The following PCCA variants were observed in gnomAD, a reference collection of about 807,000 sequenced individuals.
PCCA encodes propionyl-CoA carboxylase subunit alpha, also known as propionyl-CoA carboxylase alpha chain, mitochondrial.
In PCCA, 74 loss-of-function variants were observed where a neutral mutation model predicts 101.3. The ratio of observed to expected loss-of-function variants is 0.73; its 90% CI spans 0.61 to 0.89. The LOEUF (loss-of-function observed/expected upper bound fraction) is 0.89. Among genes scored for constraint, PCCA ranks in the 40% least tolerant of loss-of-function variants. The pLI is 0.00. For synonymous variants in PCCA, 294 were observed against 313.6 expected, an observed-to-expected ratio of 0.94 and a Z score of 0.66; for missense variants, 891 against 907.0, an observed-to-expected ratio of 0.98 and a Z score of 0.23.
chr13:100,264,286 T>TAC (rs2062786298), intron 10 of PCCA, among the ~76,000 whole-genome samples: 1 of 151,784 alleles, frequency 6.6e-6, no homozygotes, highest in Non-Finnish European at 1.5e-5. Flanking sequence ...TATATATATA[T>TAC]ACAGTGAAAT....
chr13:100,210,776 G>T (rs767022601), intron 7 of PCCA, among the ~76,000 whole-genome samples: 1 of 152,138 alleles, frequency 6.6e-6, no homozygotes, highest in Admixed American at 6.5e-5. Flanking sequence ...GGCATTCTGT[G>T]TTGGGTTGTT....
chr13:100,240,786 C>A (rs1410605814), intron 8 of PCCA, among the ~76,000 whole-genome samples: 1 of 152,162 alleles, frequency 6.6e-6, no homozygotes, highest in Non-Finnish European at 1.5e-5. Context: ...GTAAATTGCA[C>A]AACCAGTATA....
chr13:100,516,665 G>T (rs1246047558), intron 22 of PCCA, among the ~76,000 whole-genome samples: 1 of 152,042 alleles, frequency 6.6e-6, no homozygotes, highest in African/African-American at 2.4e-5. Flanking sequence ...GATACTCCTG[G>T]AAGAAAGCCC....
chr13:100,484,914 T>G (rs2084250594), intron 21 of PCCA, among the ~76,000 whole-genome samples: 2 of 143,616 alleles, frequency 1.4e-5, no homozygotes, highest in South Asian at 2.1e-4. Flanking sequence ...TTTTTATTGC[T>G]CCCTGTTTGA....
At chr13:100,151,103 T>C in intron 4 of PCCA, 1 of 1,334,426 alleles carries the variant, frequency 7.5e-7, no homozygotes, top group Non-Finnish European at 1.1e-6. Context: ...CATCTTGGCT[T>C]ACCTGATGGC....
chr13:100,156,514 T>C (rs2053906656), intron 5 of PCCA, among the ~76,000 whole-genome samples: 1 of 152,216 alleles, frequency 6.6e-6, no homozygotes. Flanking sequence ...GAAATTTATG[T>C]TTGGCCAGTC....
At chr13:100,102,182 C>T (rs1345342785) in intron 1 of PCCA, among the ~76,000 whole-genome samples, 1 of 151,684 alleles carries the variant, frequency 6.6e-6, no homozygotes, top group Non-Finnish European at 1.5e-5. Context: ...GCTCTGTTGC[C>T]TAGGCTGGAG....
At chr13:100,262,420 G>C (rs1303026924) in intron 9 of PCCA, among the ~76,000 whole-genome samples, 1 of 151,916 alleles carries the variant, frequency 6.6e-6, no homozygotes, top group Admixed American at 6.6e-5. Context: ...ATACTTAGCA[G>C]TTGGTAAAGT....
chr13:100,157,723 G>A (rs929913445), intron 6 of PCCA, among the ~76,000 whole-genome samples: 4 of 152,062 alleles, frequency 2.6e-5, no homozygotes, highest in African/African-American at 4.8e-5. Flanking sequence ...TCTATTTTGG[G>A]TGAAGTTGTT....
At chr13:100,350,672 C>T (rs1299590107) in intron 18 of PCCA, among the ~76,000 whole-genome samples, 2 of 152,184 alleles carry the variant, frequency 1.3e-5, no homozygotes, top group South Asian at 4.1e-4. Context: ...ACTATAAGAG[C>T]TGAGGGAAAG....
chr13:100,251,051 TG>T (rs2152546568), intron 8 of PCCA, among the ~76,000 whole-genome samples: 2 of 152,262 alleles, frequency 1.3e-5, no homozygotes, highest in African/African-American at 4.8e-5. Flanking sequence ...GTGGCTTGGA[TG>T]GGGGCAACTG....
intron 17 of PCCA, among the ~76,000 whole-genome samples, chr13:100,334,204 C>T (rs550840754): frequency 1.3e-5 from 2 of 152,322 alleles, no homozygotes; most frequent in South Asian, 4.2e-4. Flanking sequence ...TCTCCGGGGA[C>T]TCTCTCCATG....
intron 21 of PCCA, among the ~76,000 whole-genome samples, chr13:100,499,784 A>G (rs2085539041): frequency 6.6e-6 from 1 of 152,260 alleles, no homozygotes; most frequent in African/African-American, 2.4e-5. Flanking sequence ...TGACATTTTA[A>G]AAAGGTTTTT....
intron 19 of PCCA, among the ~76,000 whole-genome samples, chr13:100,388,350 G>A (rs2076625528): frequency 6.6e-6 from 1 of 151,998 alleles, no homozygotes; most frequent in South Asian, 2.1e-4. Flanking sequence ...TGTGGTCCCA[G>A]CTACTCAGGG....
Position 100,475,143 on chromosome 13 carries a change from G to T in PCCA, c.1899+25838G>T, listed in dbSNP as rs574059342. On this transcript the variant is annotated intron_variant, in intron 21 of 23. Transcript: ENST00000376285. ...GCTCATTGCAGCCTTGAACTCTTGG[G>T]CTCAAGTGGTCCTCCTGCTTCAGCC... is the stretch of plus-strand genomic sequence containing the variant. Among the ~76,000 whole-genome samples, 4 of 152,252 alleles carry T rather than the reference G, an allele frequency of 2.6e-5. No homozygotes were observed. In the East Asian group the frequency reaches 7.7e-4, roughly 29 times the overall value.
intron 12 of PCCA, chr13:100,293,275 T>C: frequency 2.1e-6 from 1 of 471,478 alleles, no homozygotes; most frequent in Non-Finnish European, 4.4e-6. Context: ...ATTGTTGAAA[T>C]TCTGTGAAGG....
intron 21 of PCCA, among the ~76,000 whole-genome samples, chr13:100,484,200 C>T (rs534526546): frequency 2.1e-4 from 32 of 152,170 alleles, no homozygotes; most frequent in African/African-American, 7.7e-4. Context: ...CATATCCGGT[C>T]CTCTGTGGTC....
intron 18 of PCCA, among the ~76,000 whole-genome samples, chr13:100,355,299 A>T (rs570819915): frequency 1.3e-5 from 2 of 152,198 alleles, no homozygotes; most frequent in South Asian, 2.1e-4. Flanking sequence ...ATAGAAGGCA[A>T]CTTCCTCAGA....
chr13:100,304,191 CAGG>C (rs1773393670), intron 14 of PCCA, among the ~76,000 whole-genome samples: 1 of 152,164 alleles, frequency 6.6e-6, no homozygotes, highest in South Asian at 2.1e-4. Flanking sequence ...AATGCTGCAG[CAGG>C]AGTTTTATGT....
Sources: allele counts gnomAD v4.1 joint callset (sites outside exome capture counted in the v4.1 genomes callset), GRCh38; gene constraint gnomAD v4.1.1; transcripts MANE v1.5; gene names NCBI Gene and HGNC (gene_info 2026-07-23, HGNC 2026-07-21).